Variants in PDXP observed in about 807,000 individuals in gnomAD.
PDXP encodes the protein chronophin.
Under a neutral mutation model 14.4 loss-of-function variants are expected in PDXP, and 15 were observed. That is an observed-to-expected ratio of 1.04 (90% CI 0.70 to 1.60). The LOEUF (loss-of-function observed/expected upper bound fraction) is 1.60, where lower values mean the gene tolerates loss of function less well. Ranked by LOEUF, PDXP falls within the 40% of genes most tolerant of loss-of-function variation. PDXP has a pLI of 0.00. For synonymous variants in PDXP, 233 were observed against 205.6 expected (o/e 1.13, Z -1.14); for missense variants, 413 against 427.6 (o/e 0.97, Z 0.30).
In PDXP at chr22:37,658,782, C is replaced by G. The variant is rs1461338662; in HGVS notation, c.-1C>G. The G allele has an allele frequency of 1.7e-6, 2 of 1,170,262 alleles. No individual in the cohort carries two copies. The highest frequency in any genetic ancestry group is 2.1e-6 in the Non-Finnish European group (2 of 948,458). 72.5% of individuals were successfully genotyped at this position (1,170,262 alleles called of 1,614,324 possible). A position where few individuals can be genotyped will look rare whatever the true frequency, so the allele number is the denominator to read the frequency against. The stretch of plus-strand genomic sequence containing the variant: ...CGGGAGGCCGGCGGCCGGCCGGCTG[C>G]ATGGCGCGCTGCGAGAGGCTGCGCG... On this transcript the variant is annotated 5_prime_UTR_variant, in exon 1 of 2. Coordinates refer to ENST00000215904, the MANE Select transcript of PDXP (RefSeq NM_020315.5).
In PDXP at chr22:37,665,735, T is replaced by TG. The variant is rs1191366059; in HGVS notation, c.756dup (p.Thr253AspfsTer138). On this transcript the variant is annotated frameshift_variant, in exon 2 of 2. Coordinates refer to ENST00000215904, the MANE Select transcript of PDXP (RefSeq NM_020315.5). LOFTEE classifies it high-confidence loss of function. ...ATCCTCTTTGGCCACCGCTGCGGCA[T>TG]GACCACTGTGCTCACGCTCACAGGA... 1 of 1,614,010 alleles carries TG rather than the reference T, an allele frequency of 6.2e-7. No individual in the cohort carries two copies. Among genetic ancestry groups the TG allele is most frequent in the Non-Finnish European group, 8.5e-7 (1 of 1,180,046 alleles).
intron 1 of PDXP, among the ~76,000 whole-genome samples, chr22:37,663,285 C>G (rs1933239488): frequency 7.2e-6 from 1 of 137,998 alleles, no homozygotes; most frequent in Admixed American, 7.4e-5. Flanking sequence ...GCCTGGGCAA[C>G]AGAGCGAGAC....
intron 1 of PDXP, among the ~76,000 whole-genome samples, chr22:37,661,170 C>T (rs753214834): frequency 1.3e-4 from 20 of 152,156 alleles, no homozygotes; most frequent in Non-Finnish European, 2.4e-4. Context: ...CCACACCTGC[C>T]TTGCAGGCGT....
chr22:37,665,624 G>GC lies in PDXP; in HGVS notation c.648dup (p.Tyr217LeufsTer22), dbSNP rs1324854250. 6.2e-7 allele frequency: 1 copy of GC among 1,613,836 alleles called. No homozygotes were observed. Among genetic ancestry groups the GC allele is most frequent in the East Asian group, 2.2e-5 (1 of 44,878 alleles). On this transcript the variant is annotated frameshift_variant, in exon 2 of 2. Transcript: ENST00000215904. LOFTEE classifies it high-confidence loss of function. Reference sequence around the variant, plus strand: ...CAGGCCCTGGTGGTGGGCAAGCCCAGCCCCTACATGTTCGAGTGCATCACG... The same window carrying GC: ...CAGGCCCTGGTGGTGGGCAAGCCCAGCCCCCTACATGTTCGAGTGCATCACG...
intron 1 of PDXP, among the ~76,000 whole-genome samples, chr22:37,662,942 C>T (rs1221951307): frequency 6.8e-6 from 1 of 146,596 alleles, no homozygotes; most frequent in African/African-American, 2.5e-5. Context: ...GAGCTGAGAT[C>T]GCTCCATTGC....
In PDXP at chr22:37,659,265, G is replaced by GGCGTGCGCGC; in HGVS notation, c.484_493dup (p.His165ArgfsTer18). 1 of 1,321,338 alleles carries GGCGTGCGCGC rather than the reference G, an allele frequency of 7.6e-7. No individual in the cohort carries two copies. The highest frequency in any genetic ancestry group is 9.7e-7 in the Non-Finnish European group (1 of 1,030,734). The allele number at this position is 1,321,338 out of a possible 1,614,324, so 81.9% of individuals were successfully genotyped here. ...ACTTCTCCTTCGCCAAGCTGAGGGA[G>GGCGTGCGCGC]GCGTGCGCGCACCTGCGCGACCCCG... On this transcript the variant is annotated frameshift_variant, in exon 1 of 2. Coordinates refer to ENST00000215904, the MANE Select transcript of PDXP (RefSeq NM_020315.5). LOFTEE classifies it high-confidence loss of function.
At chr22:37,662,261 C>T (rs916593301) in intron 1 of PDXP, among the ~76,000 whole-genome samples, 24 of 152,080 alleles carry the variant, frequency 1.6e-4, no homozygotes, top group Admixed American at 9.8e-4. Flanking sequence ...TTCTCTTCCT[C>T]ATCTGGGGAC....
chr22:37,665,864 A>T lies in PDXP; in HGVS notation c.884A>T (p.Glu295Val). ...ATCGCAGACTTGACAGAGGGGTTGG[A>T]GGACTGAGCCCACTGCACCTGCAGC... ...ESIADLTEGL[E>V]D The change falls in exon 2 of 2, where the codon GAG becomes GTG. Residue 295 changes from glutamate to valine, a missense_variant. Glu to Val is a moderately radical substitution (Grantham distance 121). Coordinates refer to ENST00000215904, the MANE Select transcript of PDXP (RefSeq NM_020315.5). 2.5e-6 allele frequency: 4 copies of T among 1,611,840 alleles called. No individual in the cohort carries two copies. The highest frequency in any genetic ancestry group is 3.4e-6 in the Non-Finnish European group (4 of 1,178,498).
Position 37,666,085 on chromosome 22 carries a change from T to G in PDXP, c.*214T>G. 1.6e-6 allele frequency: 1 copy of G among 613,156 alleles called. No individual in the cohort carries two copies. Among genetic ancestry groups the G allele is most frequent in the Non-Finnish European group, 3.0e-6 (1 of 337,462 alleles). 38.0% of individuals were successfully genotyped at this position (613,156 alleles called of 1,614,324 possible). ...TGCTGCCCCAGAAGCTGGTCCCCTATGGATTCATCTTGGCCTGACCCAGCC... is the reference window on the plus strand; with the variant it reads ...TGCTGCCCCAGAAGCTGGTCCCCTAGGGATTCATCTTGGCCTGACCCAGCC... On this transcript the variant is annotated 3_prime_UTR_variant, in exon 2 of 2. Transcript: ENST00000215904.
At position 37,661,295 on chromosome 22, in the gene PDXP, A is replaced by G. The variant is rs539451430; in HGVS notation, c.574+1939A>G. On this transcript the variant is annotated intron_variant, in intron 1 of 1. Transcript: ENST00000215904. ...GAGGCTTAACAAATACAGCACTGCG[A>G]TCATGTTTGTGCACAGCTTGATGCA... Among the ~76,000 whole-genome samples, 6 of 151,414 alleles carry G rather than the reference A, an allele frequency of 4.0e-5. No individual in the cohort carries two copies. In the South Asian group the frequency reaches 1.0e-3, roughly 26 times the overall value.
In PDXP at chr22:37,658,775, C is replaced by T; in HGVS notation, c.-8C>T. On this transcript the variant is annotated 5_prime_UTR_variant, in exon 1 of 2. Coordinates refer to ENST00000215904, the MANE Select transcript of PDXP (RefSeq NM_020315.5). Reference sequence around the variant, plus strand: ...CGCGGCGCGGGAGGCCGGCGGCCGGCCGGCTGCATGGCGCGCTGCGAGAGG... The same window carrying T: ...CGCGGCGCGGGAGGCCGGCGGCCGGTCGGCTGCATGGCGCGCTGCGAGAGG... 2 of 1,166,792 alleles carry T rather than the reference C, an allele frequency of 1.7e-6. No homozygotes were observed. Among genetic ancestry groups the T allele is most frequent in the Admixed American group, 4.6e-5 (1 of 21,516 alleles). 72.3% of individuals were successfully genotyped at this position (1,166,792 alleles called of 1,614,324 possible).
chr22:37,664,918 T>C (rs1208543119), intron 1 of PDXP: 3 of 152,828 alleles, frequency 2.0e-5, no homozygotes, highest in Non-Finnish European at 4.4e-5. Context: ...GTGATCACTT[T>C]CCCGGGGGAC....
rs563857292 is a variant in PDXP, at chr22:37,666,718, G to A, written c.*847G>A. 3.6e-5 allele frequency: 6 copies of A among 167,218 alleles called. No individual in the cohort carries two copies. Among genetic ancestry groups the A allele is most frequent in the East Asian group, 3.9e-4 (2 of 5,184 alleles). The allele number at this position is 167,218 out of a possible 1,614,324, so 10.4% of individuals were successfully genotyped here. A position where few individuals can be genotyped will look rare whatever the true frequency, so the allele number is the denominator to read the frequency against. On this transcript the variant is annotated 3_prime_UTR_variant, in exon 2 of 2. Transcript: ENST00000215904. Reference sequence around the variant, plus strand: ...CCACCCTTTCCTGGTCATGGTACCCGTACAGCGTTGATGGCCACAGCTCGA... The same window carrying A: ...CCACCCTTTCCTGGTCATGGTACCCATACAGCGTTGATGGCCACAGCTCGA...
chr22:37,665,258 A>G (rs1921030797), intron 1 of PDXP, among the ~76,000 whole-genome samples: 1 of 152,120 alleles, frequency 6.6e-6, no homozygotes, highest in Non-Finnish European at 1.5e-5. Context: ...AGCTCCACGC[A>G]TCCTCACAGT....
At chr22:37,661,702 C>T (rs1933207194) in intron 1 of PDXP, among the ~76,000 whole-genome samples, 1 of 151,978 alleles carries the variant, frequency 6.6e-6, no homozygotes. Flanking sequence ...CCGTGTCTGG[C>T]ATGTAGTTGG....
chr22:37,660,883 C>A (rs908712448), intron 1 of PDXP, among the ~76,000 whole-genome samples: 1 of 152,132 alleles, frequency 6.6e-6, no homozygotes, highest in African/African-American at 2.4e-5. Context: ...TATGGCATGG[C>A]AGAGAGGGAT....
chr22:37,661,952 T>G, intron 1 of PDXP, among the ~76,000 whole-genome samples: 1 of 80,972 alleles, frequency 1.2e-5, no homozygotes, highest in Non-Finnish European at 2.3e-5. Context: ...TTTTTTTTTT[T>G]TTTTTTTGAG....
intron 1 of PDXP, 95 bp downstream of exon 1, chr22:37,659,451 G>A (rs1933158631): frequency 3.1e-6 from 3 of 982,456 alleles, no homozygotes; most frequent in Non-Finnish European, 4.0e-6. Context: ...GCGTCTCCAG[G>A]TGGCAGGTGG....
At chr22:37,660,846 A>T (rs1414884015) in intron 1 of PDXP, among the ~76,000 whole-genome samples, 1 of 152,120 alleles carries the variant, frequency 6.6e-6, no homozygotes, top group Non-Finnish European at 1.5e-5. Context: ...GGCAGTGATA[A>T]TACACCAGGA....
Sources: gnomAD v4.1 joint callset for allele counts (sites outside exome capture counted in the v4.1 genomes callset) on GRCh38, gnomAD v4.1.1 for gene constraint, MANE v1.5 for transcripts, NCBI Gene and HGNC (gene_info 2026-07-23, HGNC 2026-07-21) for gene names.